The following TMED8 variants were observed in gnomAD, a reference collection of about 807,000 sequenced individuals.
The protein encoded by TMED8 is protein TMED8.
In TMED8, 15 loss-of-function variants were observed where a neutral mutation model predicts 32.7. The ratio of observed to expected loss-of-function variants is 0.46; its 90% CI spans 0.31 to 0.71. TMED8 has a LOEUF of 0.71. Among genes scored for constraint, TMED8 ranks in the 30% least tolerant of loss-of-function variants. The pLI is 0.06. For synonymous variants in TMED8, 147 were observed against 161.4 expected, an observed-to-expected ratio of 0.91 and a Z score of 0.68; for missense variants, 390 against 423.9, an observed-to-expected ratio of 0.92 and a Z score of 0.70.
intron 1 of TMED8, among the ~76,000 whole-genome samples, chr14:77,366,040 T>C (rs539078606): frequency 3.9e-5 from 6 of 152,364 alleles, no homozygotes; most frequent in African/African-American, 1.2e-4. Flanking sequence ...TTATTTTCTT[T>C]ACATTCAAAT....
intron 1 of TMED8, among the ~76,000 whole-genome samples, chr14:77,375,736 G>A (rs1893798412): frequency 6.6e-6 from 1 of 152,174 alleles, no homozygotes; most frequent in African/African-American, 2.4e-5. Context: ...CACCATGTTG[G>A]AAGCCATACA....
chr14:77,347,844 G>A (rs1182870143), intron 2 of TMED8, among the ~76,000 whole-genome samples: 1 of 152,232 alleles, frequency 6.6e-6, no homozygotes, highest in Non-Finnish European at 1.5e-5. Context: ...CTGATAAAAG[G>A]TGACATGGAT....
chr14:77,376,827 G>T lies in TMED8; in HGVS notation c.118+109C>A. The T allele has an allele frequency of 1.6e-6, 1 of 613,068 alleles. No homozygotes were observed. The highest frequency in any genetic ancestry group is 2.4e-6 in the Non-Finnish European group (1 of 421,144). The allele number at this position is 613,068 out of a possible 1,614,324, so 38.0% of individuals were successfully genotyped here. A position where few individuals can be genotyped will look rare whatever the true frequency, so the allele number is the denominator to read the frequency against. On this transcript the variant is annotated intron_variant, in intron 1 of 5. Transcript: ENST00000216468. This position sits in a 1 kb window ranked among gnomAD's most constrained non-coding sequence, Gnocchi z 4.0. ...CGCGCGCGAAGGGGCTGCCGAGGTG[G>T]GTCCGCTCCGCGGGGAAGCCCAGGA...
At chr14:77,372,952 A>ATATT (rs1555360928) in intron 1 of TMED8, among the ~76,000 whole-genome samples, 4 of 14,308 alleles carry the variant, frequency 2.8e-4, no homozygotes, top group African/African-American at 3.5e-4. Context: ...ATATATATAT[A>ATATT]TTTTTTTTTT....
intron 1 of TMED8, among the ~76,000 whole-genome samples, chr14:77,355,147 A>G (rs1000026777): frequency 1.7e-5 from 2 of 114,452 alleles, no homozygotes; most frequent in African/African-American, 5.4e-5. Flanking sequence ...ATACAAATGT[A>G]TATGTATTGT....
chr14:77,367,260 A>C (rs1391168436), intron 1 of TMED8, among the ~76,000 whole-genome samples: 1 of 151,508 alleles, frequency 6.6e-6, no homozygotes, highest in African/African-American at 2.4e-5. Flanking sequence ...AAAAAAAAAA[A>C]AAAAAAACTT....
rs941298906 is a variant in TMED8 at position 77,376,887 on chromosome 14, G to A, written c.118+49C>T. 5.1e-6 allele frequency: 6 copies of A among 1,172,122 alleles called. No homozygotes were observed. Among genetic ancestry groups the A allele is most frequent in the African/African-American group, 3.3e-5 (2 of 61,444 alleles). The allele number at this position is 1,172,122 out of a possible 1,614,324, so 72.6% of individuals were successfully genotyped here. A position where few individuals can be genotyped will look rare whatever the true frequency, so the allele number is the denominator to read the frequency against. On this transcript the variant is annotated intron_variant, in intron 1 of 5. Coordinates refer to ENST00000216468, the MANE Select transcript of TMED8 (RefSeq NM_213601.3). This position sits in a 1 kb window ranked among gnomAD's most constrained non-coding sequence, Gnocchi z 4.0. ...GCGGAGGCTCGCGCCGTGGTGCGGG[G>A]CCCTGAGGCCGGGCGGCACCCACCC...
At position 77,343,238 on chromosome 14, in the gene TMED8, GCA is replaced by G. The variant is rs764700524; in HGVS notation, c.698_699del (p.Val233AlafsTer4). 2 of 1,614,100 alleles carry G rather than the reference GCA, an allele frequency of 1.2e-6. No individual in the cohort carries two copies. Among genetic ancestry groups the G allele is most frequent in the Non-Finnish European group, 1.7e-6 (2 of 1,180,010 alleles). On this transcript the variant is annotated frameshift_variant, in exon 5 of 6. Coordinates refer to ENST00000216468, the MANE Select transcript of TMED8 (RefSeq NM_213601.3). LOFTEE classifies it high-confidence loss of function. ...TCATCGTCACTGGAATCACTGACCTGCACAGTTATGTCAGTGCTAGTTACAGG... is the reference window on the plus strand; with the variant it reads ...TCATCGTCACTGGAATCACTGACCTGCAGTTATGTCAGTGCTAGTTACAGG... ...WTPVTSTDITVQVSDSSDDED... is the reference protein window; with the variant it reads ...WTPVTSTDITXQVSDSSDDED...
chr14:77,361,001 G>C lies in TMED8; in HGVS notation c.119-9250C>G, dbSNP rs982478077. On this transcript the variant is annotated intron_variant, in intron 1 of 5. Coordinates refer to ENST00000216468, the MANE Select transcript of TMED8 (RefSeq NM_213601.3). ...TTTTTTTTTTTTTTTTTTTCAGACA[G>C]AGTCTCACTCTGTCACCCAGGCTGG... 1.9e-4 allele frequency among the ~76,000 whole-genome samples: 22 copies of C among 115,014 alleles called. No homozygotes were observed. In the Admixed American group the frequency reaches 2.1e-3, roughly 11 times the overall value. 75.5% of individuals were successfully genotyped at this position (115,014 alleles called of 152,430 possible).
intron 1 of TMED8, among the ~76,000 whole-genome samples, chr14:77,369,243 C>G (rs943196950): frequency 3.3e-5 from 5 of 152,234 alleles, no homozygotes; most frequent in African/African-American, 1.2e-4. Context: ...TTCCTAGAGC[C>G]TGACTACTCT....
intron 1 of TMED8, among the ~76,000 whole-genome samples, chr14:77,354,503 C>T (rs1893248499): frequency 6.6e-6 from 1 of 152,268 alleles, no homozygotes; most frequent in Middle Eastern, 3.4e-3. Context: ...TGCATCTACC[C>T]TTCCAGACTT....
In TMED8 at chr14:77,341,978, T is replaced by A; in HGVS notation, c.771A>T (p.Pro257=). The change falls in exon 6 of 6, where the codon CCA becomes CCT. Residue 257 remains proline (P), a synonymous_variant. Coordinates refer to ENST00000216468, the MANE Select transcript of TMED8 (RefSeq NM_213601.3). ...EEEEEIEEPV[P]AGDVERGSRS... ...TGGAGCCTCTCTCCACATCTCCAGCTGGAACGGGTTCTGCGTGAGCAAAAT... is the reference window on the plus strand; with the variant it reads ...TGGAGCCTCTCTCCACATCTCCAGCAGGAACGGGTTCTGCGTGAGCAAAAT... 6.2e-7 allele frequency: 1 copy of A among 1,613,960 alleles called. No individual in the cohort carries two copies. The highest frequency in any genetic ancestry group is 8.5e-7 in the Non-Finnish European group (1 of 1,179,978).
intron 1 of TMED8, among the ~76,000 whole-genome samples, chr14:77,367,747 G>A (rs1281452761): frequency 6.6e-6 from 1 of 151,380 alleles, no homozygotes; most frequent in Non-Finnish European, 1.5e-5. Flanking sequence ...AGGCTGGAGT[G>A]CAATGGTGCA....
chr14:77,367,011 G>A (rs1452136292), intron 1 of TMED8, among the ~76,000 whole-genome samples: 2 of 151,974 alleles, frequency 1.3e-5, no homozygotes, highest in Non-Finnish European at 2.9e-5. Context: ...TTGGGAGCCC[G>A]AGGCAGGCAG....
chr14:77,369,947 G>A (rs1893639452), intron 1 of TMED8, among the ~76,000 whole-genome samples: 1 of 152,148 alleles, frequency 6.6e-6, no homozygotes, highest in Non-Finnish European at 1.5e-5. Flanking sequence ...GCCGAGGCGG[G>A]CAGATCACAA....
In TMED8 at chr14:77,376,879, G is replaced by A. The variant is rs115653266; in HGVS notation, c.118+57C>T. 4,545 of 1,108,650 alleles carry A rather than the reference G, an allele frequency of 4.1e-3. 135 individuals carry two copies. In the African/African-American group the frequency reaches 0.068, roughly 16 times the overall value. 68.7% of individuals were successfully genotyped at this position (1,108,650 alleles called of 1,614,324 possible). ...AGAGCGCGGCGGAGGCTCGCGCCGT[G>A]GTGCGGGGCCCTGAGGCCGGGCGGC... On this transcript the variant is annotated intron_variant, in intron 1 of 5. Transcript: ENST00000216468. The surrounding 1 kb of genome is among the most constrained non-coding windows in gnomAD (Gnocchi z 4.0).
intron 2 of TMED8, among the ~76,000 whole-genome samples, chr14:77,347,242 G>T (rs1479485973): frequency 1.3e-5 from 2 of 152,182 alleles, no homozygotes; most frequent in Non-Finnish European, 2.9e-5. Context: ...GAAGCAAAAG[G>T]AGGAGGTCTG....
intron 1 of TMED8, among the ~76,000 whole-genome samples, chr14:77,367,851 G>A (rs981889555): frequency 6.6e-6 from 1 of 151,918 alleles, no homozygotes; most frequent in African/African-American, 2.4e-5. Context: ...CCACCACCAC[G>A]CCCAACTAAT....
intron 3 of TMED8, among the ~76,000 whole-genome samples, chr14:77,344,108 C>T (rs1160664289): frequency 6.6e-6 from 1 of 152,232 alleles, no homozygotes; most frequent in African/African-American, 2.4e-5. Context: ...CCAACACCCT[C>T]GCAGGTTGTT....
Sources: allele counts gnomAD v4.1 joint callset (sites outside exome capture counted in the v4.1 genomes callset), GRCh38; gene constraint gnomAD v4.1.1; non-coding constraint Gnocchi (gnomAD v3.1); transcripts MANE v1.5; gene names NCBI Gene and HGNC (gene_info 2026-07-23, HGNC 2026-07-21).